Variants in GGA2 observed in about 807,000 individuals in gnomAD.
GGA2 encodes golgi associated, gamma adaptin ear containing, ARF binding protein 2, also known as ADP-ribosylation factor-binding protein GGA2.
In GGA2, 48 loss-of-function variants were observed where a neutral mutation model predicts 79.5. That is an observed-to-expected ratio of 0.60 (90% CI 0.48 to 0.77). GGA2 has a LOEUF of 0.77. GGA2 is among the 30% of genes least tolerant of loss of function. The pLI is 0.00. For missense variants in GGA2, 770 were observed against 774.0 expected (o/e 0.99, Z 0.06); for synonymous variants, 317 against 302.0 (o/e 1.05, Z -0.51).
In GGA2 at chr16:23,465,230, C is replaced by T. The variant is rs934310564; in HGVS notation, c.*2360G>A. 1 of 654,102 alleles carries T rather than the reference C, an allele frequency of 1.5e-6. No homozygotes were observed. Among genetic ancestry groups the T allele is most frequent in the African/African-American group, 1.8e-5 (1 of 56,120 alleles). 40.5% of individuals were successfully genotyped at this position (654,102 alleles called of 1,614,324 possible). A position where few individuals can be genotyped will look rare whatever the true frequency, so the allele number is the denominator to read the frequency against. ...TGAAATCCTGGGCTCAAGCGGTCAT[C>T]CCACTCAGCCTCCCAAAATGCTGGG... On this transcript the variant is annotated 3_prime_UTR_variant, in exon 17 of 17. Transcript: ENST00000309859.
At chr16:23,467,752 CAG>C in intron 16 of GGA2, 52 bp from the exon 17 acceptor site, 2 of 873,608 alleles carry the variant, frequency 2.3e-6, no homozygotes, top group Non-Finnish European at 2.0e-6. Flanking sequence ...AACCCAGGAA[CAG>C]GGGTCAATGT....
At chr16:23,499,435 C>A (rs1434785490) in intron 1 of GGA2, among the ~76,000 whole-genome samples, 1 of 151,944 alleles carries the variant, frequency 6.6e-6, no homozygotes, top group African/African-American at 2.4e-5. Context: ...TGAGCTACCA[C>A]ACCCGGCCGG....
chr16:23,492,402 A>G (rs1964800327), intron 4 of GGA2, among the ~76,000 whole-genome samples: 1 of 152,210 alleles, frequency 6.6e-6, no homozygotes, highest in African/African-American at 2.4e-5. Flanking sequence ...TATGTGGCCA[A>G]TGATTTGACC....
intron 14 of GGA2, among the ~76,000 whole-genome samples, chr16:23,472,751 A>G (rs1193681242): frequency 6.6e-6 from 1 of 151,472 alleles, no homozygotes; most frequent in African/African-American, 2.4e-5. Flanking sequence ...AAGACTGAAT[A>G]GGGCCGGGCG....
At chr16:23,476,962 CTTTT>C (rs940574512) in intron 13 of GGA2, among the ~76,000 whole-genome samples, 2 of 152,042 alleles carry the variant, frequency 1.3e-5, no homozygotes, top group African/African-American at 2.4e-5. Flanking sequence ...GCACATTAAA[CTTTT>C]TTTGAGACAG....
upstream of GGA2, chr16:23,524,144 C>T: frequency 1.7e-6 from 1 of 580,810 alleles, no homozygotes; most frequent in Non-Finnish European, 3.1e-6. Context: ...CCGGAGAATG[C>T]CTTTCCAGAG....
In GGA2 at chr16:23,464,124, C is replaced by T. The variant is rs942896282; in HGVS notation, c.*3466G>A. 1.3e-5 allele frequency: 2 copies of T among 152,200 alleles called. No individual in the cohort carries two copies. Among genetic ancestry groups the T allele is most frequent in the African/African-American group, 2.4e-5 (1 of 41,460 alleles). The allele number at this position is 152,200 out of a possible 1,614,324, so 9.4% of individuals were successfully genotyped here. A position where few individuals can be genotyped will look rare whatever the true frequency, so the allele number is the denominator to read the frequency against. On this transcript the variant is annotated 3_prime_UTR_variant, in exon 17 of 17. Transcript: ENST00000309859. ...TTTCTAGCTTTAACATTTTCTGTCT[C>T]AATTTACACTATTTGTACTAGGTAA...
intron 1 of GGA2, among the ~76,000 whole-genome samples, chr16:23,519,981 T>C (rs1004207351): frequency 6.6e-6 from 1 of 152,184 alleles, no homozygotes; most frequent in African/African-American, 2.4e-5. Context: ...GCGTGGTGGC[T>C]CATGCCTGTA....
At chr16:23,491,530 T>TAA (rs34831881) in intron 5 of GGA2, 147 bp downstream of exon 5, 1,191 of 298,756 alleles carry the variant, frequency 4.0e-3, no homozygotes, top group South Asian at 0.011. Flanking sequence ...ATTTATTGCG[T>TAA]AAAAAAAAAA....
chr16:23,482,305 A>G (rs1964657847), intron 9 of GGA2, among the ~76,000 whole-genome samples: 1 of 152,184 alleles, frequency 6.6e-6, no homozygotes, highest in Non-Finnish European at 1.5e-5. Context: ...AATTTGCTTC[A>G]AAACAGACTA....
chr16:23,510,518 A>G, upstream of GGA2: 1 of 427,666 alleles, frequency 2.3e-6, no homozygotes, highest in Non-Finnish European at 3.9e-6. Flanking sequence ...TGGACACGTG[A>G]CGGGGCGGGG....
chr16:23,509,986 G>C (rs1965017962), intron 1 of GGA2, among the ~76,000 whole-genome samples: 1 of 151,402 alleles, frequency 6.6e-6, no homozygotes, highest in Non-Finnish European at 1.5e-5. Flanking sequence ...GGATTAAGCA[G>C]GACTAAGCCG....
chr16:23,488,610 G>T lies in GGA2; in HGVS notation c.575C>A (p.Ser192Tyr), dbSNP rs1371355181. Residue 192 changes from serine (S) to tyrosine (Y), a missense_variant, in exon 6 of 17, where the codon TCC (serine) becomes TAC (tyrosine). By Grantham distance (144) the Ser-to-Tyr change is moderately radical (BLOSUM62 -2). Transcript: ENST00000309859. ...SSIFDADEEKSKLLTRLLKSN... is the reference protein window; with the variant it reads ...SSIFDADEEKYKLLTRLLKSN... Reference sequence around the variant, plus strand: ...CATGTAGGTCTGTTTCCTTACCTTGGACTTTTCTTCATCAGCATCAAAGAT... The same window carrying T: ...CATGTAGGTCTGTTTCCTTACCTTGTACTTTTCTTCATCAGCATCAAAGAT... 1.9e-6 allele frequency: 3 copies of T among 1,581,562 alleles called. No individual in the cohort carries two copies. The highest frequency in any genetic ancestry group is 2.6e-6 in the Non-Finnish European group (3 of 1,150,502).
intron 7 of GGA2, 132 bp from the exon 8 acceptor site, chr16:23,486,284 A>G (rs1425549287): frequency 1.9e-5 from 14 of 754,038 alleles, no homozygotes; most frequent in Non-Finnish European, 3.1e-5. Flanking sequence ...TGCATGGGAG[A>G]ACTCACACAG....
chr16:23,476,230 G>C (rs1014766056), intron 13 of GGA2, among the ~76,000 whole-genome samples: 1 of 152,148 alleles, frequency 6.6e-6, no homozygotes, highest in African/African-American at 2.4e-5. Flanking sequence ...CTGCCCGAGT[G>C]GCTGAAAAAA....
At chr16:23,479,618 C>T (rs192439245) in intron 11 of GGA2, 147 bp downstream of exon 11, 20 of 890,398 alleles carry the variant, frequency 2.2e-5, no homozygotes, top group Non-Finnish European at 2.9e-5. Context: ...GCAGCAAGCA[C>T]GTGCTCCCAG....
At chr16:23,499,653 G>C (rs540344332) in intron 1 of GGA2, among the ~76,000 whole-genome samples, 23 of 152,182 alleles carry the variant, frequency 1.5e-4, no homozygotes, top group African/African-American at 5.3e-4. Context: ...GAGTAGGGAC[G>C]GGGTTTCACC....
At chr16:23,501,787 C>T (rs140233096) in intron 1 of GGA2, among the ~76,000 whole-genome samples, 2 of 152,232 alleles carry the variant, frequency 1.3e-5, no homozygotes, top group East Asian at 1.9e-4. Context: ...GGATTTTCAT[C>T]GAGAGGAAAC....
At chr16:23,513,130 T>G (rs541581874), upstream of GGA2, among the ~76,000 whole-genome samples, 42 of 152,214 alleles carry the variant, frequency 2.8e-4, no homozygotes, top group Non-Finnish European at 5.0e-4. Context: ...ACAGGGGGCA[T>G]GAGCTCTACA....
Sources: allele counts gnomAD v4.1 joint callset (sites outside exome capture counted in the v4.1 genomes callset), GRCh38; gene constraint gnomAD v4.1.1; transcripts MANE v1.5; gene names NCBI Gene and HGNC (gene_info 2026-07-23, HGNC 2026-07-21).